ROBO2: variants seen among roughly 807,000 people sequenced by gnomAD.
ROBO2 encodes roundabout homolog 2.
In ROBO2, 53 loss-of-function variants were observed where a neutral mutation model predicts 160.8. The ratio of observed to expected loss-of-function variants is 0.33; its 90% CI spans 0.26 to 0.41. ROBO2 has a LOEUF of 0.41. Among genes scored for constraint, ROBO2 ranks in the 10% least tolerant of loss-of-function variants. ROBO2 has a pLI of 1.00. For missense variants in ROBO2, 1,577 were observed against 1,722.4 expected (o/e 0.92, Z 1.49); for synonymous variants, 664 against 611.7 (o/e 1.09, Z -1.26).
intron 2 of ROBO2, among the ~76,000 whole-genome samples, chr3:76,622,404 A>G (rs930176184): frequency 2.6e-5 from 4 of 152,084 alleles, no homozygotes; most frequent in African/African-American, 9.7e-5. Flanking sequence ...GTTCAAGGAT[A>G]GCATGAGCCA....
In ROBO2 at chr3:76,435,171, A is replaced by C; in HGVS notation, c.109+497569A>C. 2.9e-6 allele frequency: 3 copies of C among 1,046,328 alleles called. No individual in the cohort carries two copies. The South Asian group carries it at 3.8e-5, about 13-fold the overall frequency. The allele number at this position is 1,046,328 out of a possible 1,614,324, so 64.8% of individuals were successfully genotyped here. A position where few individuals can be genotyped will look rare whatever the true frequency, so the allele number is the denominator to read the frequency against. On this transcript the variant is annotated intron_variant, in intron 2 of 26. Transcript: ENST00000487694. ...TGATGACATGGTGGGCATTGTGGAG[A>C]TAATCAACAGTAGGGATGTCAAAGT... is the stretch of plus-strand genomic sequence containing the variant.
chr3:77,155,716 AAC>A (rs1433468390), intron 2 of ROBO2, among the ~76,000 whole-genome samples: 3 of 152,034 alleles, frequency 2.0e-5, no homozygotes, highest in Non-Finnish European at 4.4e-5. Flanking sequence ...TAATTACTAA[AAC>A]AGTTCTTTTG....
At chr3:76,409,365 A>C (rs1451540347) in intron 2 of ROBO2, among the ~76,000 whole-genome samples, 1 of 152,080 alleles carries the variant, frequency 6.6e-6, no homozygotes, top group Non-Finnish European at 1.5e-5. Context: ...TGAAAGCCCC[A>C]TAAAGATAAT....
At chr3:76,296,309 A>G (rs1265219208) in intron 2 of ROBO2, among the ~76,000 whole-genome samples, 1 of 152,240 alleles carries the variant, frequency 6.6e-6, no homozygotes, top group Non-Finnish European at 1.5e-5. Context: ...TCTGGCCTCC[A>G]GAACTGTGAA....
At chr3:77,454,694 C>A (rs1340123352) in intron 2 of ROBO2, among the ~76,000 whole-genome samples, 1 of 152,046 alleles carries the variant, frequency 6.6e-6, no homozygotes, top group Non-Finnish European at 1.5e-5. Flanking sequence ...TCATAAGAAG[C>A]CATCATGCAC....
At chr3:77,040,883 C>A (rs371018906) in intron 1 of ROBO2, 37 bp downstream of exon 1, 13 of 1,607,602 alleles carry the variant, frequency 8.1e-6, no homozygotes, top group Non-Finnish European at 4.3e-6. Flanking sequence ...TTTGCGCCCC[C>A]CACCCCCCAA....
At chr3:75,969,894 C>A (rs2064942970) in intron 2 of ROBO2, among the ~76,000 whole-genome samples, 1 of 151,514 alleles carries the variant, frequency 6.6e-6, no homozygotes, top group Non-Finnish European at 1.5e-5. Context: ...TTGATGCAGT[C>A]TTACTTGCTT....
chr3:77,616,334 T>G (rs985801141), intron 21 of ROBO2, among the ~76,000 whole-genome samples: 1 of 151,480 alleles, frequency 6.6e-6, no homozygotes, highest in African/African-American at 2.4e-5. Flanking sequence ...TTTATCAGAC[T>G]AGGATGGGTT....
chr3:76,989,709 A>C (rs1239994122), intron 2 of ROBO2, among the ~76,000 whole-genome samples: 1 of 152,146 alleles, frequency 6.6e-6, no homozygotes, highest in African/African-American at 2.4e-5. Flanking sequence ...ATATTTCAGT[A>C]AGACTGGGTA....
intron 2 of ROBO2, among the ~76,000 whole-genome samples, chr3:76,994,861 CAT>C: frequency 6.6e-6 from 1 of 152,098 alleles, no homozygotes; most frequent in African/African-American, 2.4e-5. Context: ...ATAATAAAAA[CAT>C]ATCAAAGTTG....
chr3:77,449,379 T>C (rs1381497946), intron 2 of ROBO2, among the ~76,000 whole-genome samples: 1 of 152,164 alleles, frequency 6.6e-6, no homozygotes, highest in African/African-American at 2.4e-5. Flanking sequence ...TTTAGGTTGT[T>C]AAATATGCAG....
intron 2 of ROBO2, among the ~76,000 whole-genome samples, chr3:76,657,780 G>A (rs2091632106): frequency 6.8e-6 from 1 of 146,408 alleles, no homozygotes; most frequent in Admixed American, 6.9e-5. Context: ...ATAGGTATGT[G>A]TATATATATG....
chr3:77,108,498 A>G (rs1168623789), intron 2 of ROBO2, among the ~76,000 whole-genome samples: 2 of 152,082 alleles, frequency 1.3e-5, no homozygotes, highest in Non-Finnish European at 2.9e-5. Flanking sequence ...CTCTTAAATC[A>G]ATGTTTAAAC....
At chr3:76,557,160 G>A (rs913125380) in intron 2 of ROBO2, among the ~76,000 whole-genome samples, 1 of 151,966 alleles carries the variant, frequency 6.6e-6, no homozygotes, top group East Asian at 1.9e-4. Context: ...GTCTGAAGCT[G>A]CTCACTCTAT....
intron 2 of ROBO2, among the ~76,000 whole-genome samples, chr3:76,717,865 T>C (rs1356807079): frequency 6.6e-6 from 1 of 151,256 alleles, no homozygotes; most frequent in Non-Finnish European, 1.5e-5. Flanking sequence ...TATTTTTTAA[T>C]CTCCCACCAC....
intron 2 of ROBO2, among the ~76,000 whole-genome samples, chr3:76,479,611 G>A (rs1009106140): frequency 3.3e-5 from 5 of 152,186 alleles, no homozygotes; most frequent in African/African-American, 1.2e-4. Flanking sequence ...CATTTATAGA[G>A]TAGTGTGCAG....
At chr3:76,105,931 T>C (rs2069909146) in intron 2 of ROBO2, among the ~76,000 whole-genome samples, 1 of 152,160 alleles carries the variant, frequency 6.6e-6, no homozygotes, top group African/African-American at 2.4e-5. Context: ...GGAAAAGTTA[T>C]TTCATAATAC....
intron 2 of ROBO2, among the ~76,000 whole-genome samples, chr3:76,874,842 G>C (rs187692420): frequency 2.0e-5 from 3 of 152,300 alleles, no homozygotes; most frequent in Admixed American, 2.0e-4. Context: ...GTTAATCAGT[G>C]ACAGAGCCTA....
intron 2 of ROBO2, among the ~76,000 whole-genome samples, chr3:76,427,456 C>G (rs936276865): frequency 1.3e-5 from 2 of 152,024 alleles, no homozygotes; most frequent in African/African-American, 4.8e-5. Flanking sequence ...AAGACTACTA[C>G]AAATGTAAGG....
Sources: allele counts gnomAD v4.1 joint callset (sites outside exome capture counted in the v4.1 genomes callset), GRCh38; gene constraint gnomAD v4.1.1; transcripts MANE v1.5; gene names NCBI Gene and HGNC (gene_info 2026-07-23, HGNC 2026-07-21).